The following CYP7B1 variants were observed in gnomAD, a reference collection of about 807,000 sequenced individuals.
CYP7B1 encodes cytochrome P450 7B1.
In CYP7B1, 29 loss-of-function variants were observed where a neutral mutation model predicts 42.7. The observed-to-expected ratio is 0.68, with a 90% CI of 0.51 to 0.93. The LOEUF is 0.93. Ranked by LOEUF, CYP7B1 falls within the 40% of genes least tolerant of loss-of-function variation. The pLI, the probability that CYP7B1 is intolerant of heterozygous loss-of-function variation, is 0.00. For missense variants in CYP7B1, 655 were observed against 600.5 expected (o/e 1.09, Z -0.95); for synonymous variants, 235 against 218.2 (o/e 1.08, Z -0.68).
intron 1 of CYP7B1, among the ~76,000 whole-genome samples, chr8:64,681,302 T>A (rs963655825): frequency 1.2e-4 from 18 of 152,110 alleles, no homozygotes; most frequent in African/African-American, 3.9e-4. Flanking sequence ...CGTCACGGAG[T>A]GTGTCTTCCA....
intron 1 of CYP7B1, among the ~76,000 whole-genome samples, chr8:64,733,948 C>A (rs1403050049): frequency 6.6e-6 from 1 of 151,688 alleles, no homozygotes; most frequent in Non-Finnish European, 1.5e-5. Context: ...TCAGTGTGGG[C>A]AACAGAGCCA....
At chr8:64,694,436 G>A (rs1379697839) in intron 1 of CYP7B1, among the ~76,000 whole-genome samples, 1 of 152,180 alleles carries the variant, frequency 6.6e-6, no homozygotes, top group East Asian at 1.9e-4. Flanking sequence ...AAGAACAGGG[G>A]AATTCTGCTA....
At chr8:64,729,876 C>T (rs1416803120) in intron 1 of CYP7B1, among the ~76,000 whole-genome samples, 1 of 152,116 alleles carries the variant, frequency 6.6e-6, no homozygotes, top group African/African-American at 2.4e-5. Flanking sequence ...TCCTTTTTGT[C>T]ACAAATAGTT....
rs566801014 is a variant in CYP7B1 at position 64,655,785 on chromosome 8, T to TA, written c.123-31247dup. Among the ~76,000 whole-genome samples, 12 of 152,050 alleles carry TA rather than the reference T, an allele frequency of 7.9e-5. No individual in the cohort carries two copies. The East Asian group carries it at 1.7e-3, about 22-fold the overall frequency. ...CCTAAATGCTCACCAATGAAACAGATAAAAAAATGTGATACATATATACCA... is the reference window on the plus strand; with the variant it reads ...CCTAAATGCTCACCAATGAAACAGATAAAAAAAATGTGATACATATATACCA... On this transcript the variant is annotated intron_variant, in intron 1 of 5. Coordinates refer to ENST00000310193, the MANE Select transcript of CYP7B1 (RefSeq NM_004820.5).
chr8:64,633,286 T>A (rs1239648857), intron 1 of CYP7B1, among the ~76,000 whole-genome samples: 1 of 152,176 alleles, frequency 6.6e-6, no homozygotes, highest in African/African-American at 2.4e-5. Flanking sequence ...TTCCCTGCTA[T>A]TCATATTTTG....
At chr8:64,735,403 C>A (rs1283233558) in intron 1 of CYP7B1, among the ~76,000 whole-genome samples, 2 of 152,068 alleles carry the variant, frequency 1.3e-5, no homozygotes, top group African/African-American at 4.8e-5. Flanking sequence ...ACTCTCTGTA[C>A]CAGGAAGAGA....
chr8:64,766,067 A>G (rs903726085), intron 1 of CYP7B1, among the ~76,000 whole-genome samples: 7 of 152,164 alleles, frequency 4.6e-5, no homozygotes, highest in Non-Finnish European at 5.9e-5. Context: ...CAATGATAGG[A>G]TGACAAAAGA....
chr8:64,764,099 C>A (rs1323249866), intron 1 of CYP7B1, among the ~76,000 whole-genome samples: 1 of 152,138 alleles, frequency 6.6e-6, no homozygotes, highest in Non-Finnish European at 1.5e-5. Context: ...CAGCTCTCAA[C>A]ATAGGCAGTT....
intron 1 of CYP7B1, among the ~76,000 whole-genome samples, chr8:64,759,984 A>C (rs1437147861): frequency 6.6e-6 from 1 of 152,190 alleles, no homozygotes; most frequent in African/African-American, 2.4e-5. Context: ...AATTTTTATA[A>C]TTAAAATGTA....
intron 1 of CYP7B1, among the ~76,000 whole-genome samples, chr8:64,754,604 C>T (rs1343736189): frequency 6.6e-6 from 1 of 151,902 alleles, no homozygotes; most frequent in African/African-American, 2.4e-5. Context: ...GGGAGGGAGG[C>T]CTGGAGTTAG....
chr8:64,666,977 C>A (rs1206159051), intron 1 of CYP7B1, among the ~76,000 whole-genome samples: 2 of 152,180 alleles, frequency 1.3e-5, no homozygotes, highest in Middle Eastern at 3.4e-3. Flanking sequence ...TCTCAAATAC[C>A]CTTACTGCCA....
chr8:64,611,076 C>T (rs903839507), intron 4 of CYP7B1, among the ~76,000 whole-genome samples: 1 of 152,052 alleles, frequency 6.6e-6, no homozygotes, highest in Admixed American at 6.6e-5. Flanking sequence ...GATCCTCTGG[C>T]CCATGTTGCC....
chr8:64,718,329 C>A (rs1807188381), intron 1 of CYP7B1, among the ~76,000 whole-genome samples: 1 of 152,120 alleles, frequency 6.6e-6, no homozygotes, highest in Non-Finnish European at 1.5e-5. Context: ...CATTCTGATG[C>A]ACATCTGTAA....
chr8:64,771,525 A>G (rs763483835), intron 1 of CYP7B1, among the ~76,000 whole-genome samples: 3 of 152,164 alleles, frequency 2.0e-5, no homozygotes, highest in African/African-American at 4.8e-5. Context: ...CAGAAACTCA[A>G]CCTACACTAA....
At chr8:64,697,211 T>C (rs1806841887) in intron 1 of CYP7B1, among the ~76,000 whole-genome samples, 2 of 152,222 alleles carry the variant, frequency 1.3e-5, no homozygotes, top group Admixed American at 6.5e-5. Flanking sequence ...GAATGCATTA[T>C]CATTTTTCCC....
intron 1 of CYP7B1, among the ~76,000 whole-genome samples, chr8:64,784,039 G>A (rs1804478213): frequency 6.6e-6 from 1 of 151,950 alleles, no homozygotes; most frequent in Non-Finnish European, 1.5e-5. Flanking sequence ...ATCAGTCCTT[G>A]ACAGATGCAA....
chr8:64,596,855 C>A lies in CYP7B1; in HGVS notation c.1308G>T (p.Lys436Asn), dbSNP rs761435373. The stretch of plus-strand genomic sequence containing the variant: ...CAGTTCCAAACGGCATTAGGTAACA[C>A]TTCAGCTTTTTCCCTCTTTTGAAAA... ...TTFFKRGKKL[K>N]CYLMPFGTGT... The change falls in exon 6 of 6, where the codon AAG becomes AAT. Residue 436 changes from lysine to asparagine, a missense_variant. Lys to Asn is a moderately conservative substitution (Grantham distance 94, BLOSUM62 0). Coordinates refer to ENST00000310193, the MANE Select transcript of CYP7B1 (RefSeq NM_004820.5). 1 of 1,613,924 alleles carries A rather than the reference C, an allele frequency of 6.2e-7. No individual in the cohort carries two copies. Among genetic ancestry groups the A allele is most frequent in the East Asian group, 2.2e-5 (1 of 44,880 alleles).
chr8:64,709,777 A>C (rs917338644), intron 1 of CYP7B1, among the ~76,000 whole-genome samples: 1 of 152,182 alleles, frequency 6.6e-6, no homozygotes, highest in Non-Finnish European at 1.5e-5. Flanking sequence ...GAAAACATCA[A>C]CTTACAAAGT....
intron 1 of CYP7B1, among the ~76,000 whole-genome samples, chr8:64,636,878 C>G (rs76034560): frequency 0.029 from 4,420 of 152,216 alleles, 199 homozygotes; most frequent in African/African-American, 0.1. Context: ...AATAGAAAAC[C>G]ATGCAACTAA....
Sources: gnomAD v4.1 joint callset for allele counts (sites outside exome capture counted in the v4.1 genomes callset) on GRCh38, gnomAD v4.1.1 for gene constraint, MANE v1.5 for transcripts, NCBI Gene and HGNC (gene_info 2026-07-23, HGNC 2026-07-21) for gene names.